Variants in TBC1D22A observed in about 807,000 individuals in gnomAD.
TBC1D22A encodes TBC1 domain family member 22A.
Under a neutral mutation model 60.2 loss-of-function variants are expected in TBC1D22A, and 38 were observed. The ratio of observed to expected loss-of-function variants is 0.63; its 90% CI spans 0.49 to 0.83. The LOEUF (loss-of-function observed/expected upper bound fraction) is 0.83, where lower values mean the gene tolerates loss of function less well. TBC1D22A is among the 40% of genes least tolerant of loss of function. The pLI is 0.00. For synonymous variants in TBC1D22A, 302 were observed against 281.7 expected (o/e 1.07, Z -0.72); for missense variants, 628 against 701.0 (o/e 0.90, Z 1.18).
intron 12 of TBC1D22A, among the ~76,000 whole-genome samples, chr22:47,124,893 G>A (rs1198848004): frequency 6.6e-6 from 1 of 152,156 alleles, no homozygotes; most frequent in Non-Finnish European, 1.5e-5. Context: ...AGGCCTGGAG[G>A]GGACAGAGGA....
At chr22:46,957,307 T>C (rs752840988) in intron 8 of TBC1D22A, among the ~76,000 whole-genome samples, 2 of 152,170 alleles carry the variant, frequency 1.3e-5, no homozygotes, top group African/African-American at 2.4e-5. Flanking sequence ...ACTAGGTCAT[T>C]ATAAAGGAAA....
intron 9 of TBC1D22A, among the ~76,000 whole-genome samples, chr22:46,977,753 C>T (rs924232376): frequency 2.0e-5 from 3 of 152,080 alleles, no homozygotes; most frequent in Non-Finnish European, 4.4e-5. Flanking sequence ...GCTGGTGTGT[C>T]GTACAGGGCT....
At chr22:46,985,162 GAGAA>G (rs1366216498) in intron 9 of TBC1D22A, among the ~76,000 whole-genome samples, 4 of 152,222 alleles carry the variant, frequency 2.6e-5, no homozygotes, top group Non-Finnish European at 4.4e-5. Context: ...AGTTGGCAGA[GAGAA>G]AGCGCACTCC....
chr22:47,162,852 C>T (rs897119493), intron 12 of TBC1D22A, among the ~76,000 whole-genome samples: 3 of 151,628 alleles, frequency 2.0e-5, no homozygotes, highest in East Asian at 1.9e-4. Context: ...ACTGCGGACC[C>T]GGTGTAGGCA....
At chr22:46,771,741 C>T (rs1427667333) in intron 1 of TBC1D22A, among the ~76,000 whole-genome samples, 3 of 152,004 alleles carry the variant, frequency 2.0e-5, no homozygotes, top group African/African-American at 7.3e-5. Flanking sequence ...ATTATAGGCA[C>T]ATGCCACCAT....
At chr22:47,056,385 C>T (rs75569511) in intron 11 of TBC1D22A, among the ~76,000 whole-genome samples, 6,506 of 152,174 alleles carry the variant, frequency 0.043, 157 homozygotes, top group South Asian at 0.063. Flanking sequence ...TGTGAGCTGA[C>T]GGTTGATTTG....
At chr22:46,965,322 T>TTTGTTACGGGGCCTTGTC (rs1411631562) in intron 8 of TBC1D22A, among the ~76,000 whole-genome samples, 1 of 152,232 alleles carries the variant, frequency 6.6e-6, no homozygotes, top group Non-Finnish European at 1.5e-5. Flanking sequence ...CCCATTCTCA[T>TTTGTTACGGGGCCTTGTC]TTGTTACGGG....
chr22:47,022,212 G>T (rs1395195788), intron 10 of TBC1D22A, among the ~76,000 whole-genome samples: 1 of 152,188 alleles, frequency 6.6e-6, no homozygotes, highest in African/African-American at 2.4e-5. Flanking sequence ...CAGTGCTCTA[G>T]TTCATGTTTT....
intron 12 of TBC1D22A, among the ~76,000 whole-genome samples, chr22:47,138,136 A>G (rs1001967276): frequency 3.9e-5 from 6 of 152,126 alleles, no homozygotes; most frequent in Admixed American, 3.9e-4. Flanking sequence ...TCCTCGTGGG[A>G]TCGTCCAGGT....
At chr22:47,061,164 C>A (rs1260461826) in intron 11 of TBC1D22A, among the ~76,000 whole-genome samples, 3 of 148,612 alleles carry the variant, frequency 2.0e-5, no homozygotes, top group Non-Finnish European at 4.5e-5. Flanking sequence ...GGTGCCCTCA[C>A]CACGGTCCTG....
chr22:47,163,089 G>A (rs1336177876), intron 12 of TBC1D22A, among the ~76,000 whole-genome samples: 3 of 152,226 alleles, frequency 2.0e-5, no homozygotes, highest in South Asian at 4.1e-4. Flanking sequence ...GACCAGGCAG[G>A]CGTGCCAGTG....
intron 10 of TBC1D22A, among the ~76,000 whole-genome samples, chr22:47,016,322 G>A (rs560970756): frequency 3.9e-5 from 6 of 152,168 alleles, no homozygotes; most frequent in Admixed American, 3.3e-4. Context: ...TCATCCTGGC[G>A]GGCACGTGCT....
chr22:47,011,951 C>T (rs1824433006), intron 10 of TBC1D22A, among the ~76,000 whole-genome samples: 1 of 152,016 alleles, frequency 6.6e-6, no homozygotes, highest in South Asian at 2.1e-4. Context: ...TTGCTTACAT[C>T]TGAGATTTGT....
chr22:46,770,890 G>A (rs931171974), intron 1 of TBC1D22A, among the ~76,000 whole-genome samples: 5 of 152,224 alleles, frequency 3.3e-5, no homozygotes, highest in African/African-American at 1.2e-4. Context: ...GTGATTGTGT[G>A]TTCCCCGCCA....
At chr22:46,839,608 A>G (rs1398631711) in intron 4 of TBC1D22A, among the ~76,000 whole-genome samples, 3 of 152,248 alleles carry the variant, frequency 2.0e-5, no homozygotes. Context: ...TAAAATTCAT[A>G]TAGACCCACA....
chr22:47,005,400 C>T (rs1017296508), intron 10 of TBC1D22A, among the ~76,000 whole-genome samples: 2 of 151,298 alleles, frequency 1.3e-5, no homozygotes, highest in Non-Finnish European at 3.0e-5. Flanking sequence ...ATGCACGCAC[C>T]AATACACATA....
chr22:46,965,169 G>C (rs2073737998), intron 8 of TBC1D22A, among the ~76,000 whole-genome samples: 1 of 152,256 alleles, frequency 6.6e-6, no homozygotes, highest in African/African-American at 2.4e-5. Context: ...TGCCTCATCT[G>C]AACAGCAGAG....
intron 12 of TBC1D22A, among the ~76,000 whole-genome samples, chr22:47,114,198 T>TGA (rs1350975983): frequency 2.6e-5 from 4 of 151,268 alleles, no homozygotes; most frequent in Non-Finnish European, 5.9e-5. Context: ...CTACTTAACT[T>TGA]GAGATGAAGG....
At chr22:47,108,689 T>C (rs933307756) in intron 11 of TBC1D22A, among the ~76,000 whole-genome samples, 2 of 152,142 alleles carry the variant, frequency 1.3e-5, no homozygotes, top group Non-Finnish European at 2.9e-5. Flanking sequence ...TATGTAAACA[T>C]GTTTTGTTTT....
Sources: allele counts gnomAD v4.1 joint callset (sites outside exome capture counted in the v4.1 genomes callset), GRCh38; gene constraint gnomAD v4.1.1; transcripts MANE v1.5; gene names NCBI Gene and HGNC (gene_info 2026-07-23, HGNC 2026-07-21).